Variants in UNC80 observed in about 807,000 individuals in gnomAD.
UNC80 encodes unc-80 subunit of NALCN channel complex, also known as protein unc-80 homolog.
In UNC80, 164 loss-of-function variants were observed where a neutral mutation model predicts 384.6. The observed-to-expected ratio is 0.43, with a 90% CI of 0.38 to 0.49. The LOEUF (loss-of-function observed/expected upper bound fraction) is 0.49. Among genes scored for constraint, UNC80 ranks in the 20% least tolerant of loss-of-function variants. The pLI, the probability that UNC80 is intolerant of heterozygous loss-of-function variation, is 0.00. For synonymous variants in UNC80, 1,486 were observed against 1,527.8 expected (o/e 0.97, Z 0.64); for missense variants, 3,330 against 4,143.0 (o/e 0.80, Z 5.39).
At chr2:209,869,263 A>T (rs1020578566) in intron 22 of UNC80, 3 of 152,166 alleles carry the variant, frequency 2.0e-5, no homozygotes, top group African/African-American at 7.2e-5. Context: ...GGGAAAATTG[A>T]CTTTCCTTTA....
chr2:209,868,482 A>G (rs2084018839), intron 22 of UNC80, among the ~76,000 whole-genome samples: 2 of 152,228 alleles, frequency 1.3e-5, no homozygotes, highest in African/African-American at 4.8e-5. Context: ...TAACCATCAT[A>G]TCTTGGCAAC....
chr2:209,868,514 C>G (rs2084022199), intron 22 of UNC80, among the ~76,000 whole-genome samples: 1 of 152,148 alleles, frequency 6.6e-6, no homozygotes, highest in Non-Finnish European at 1.5e-5. Context: ...GGTCCCCAGG[C>G]AAAATAAAGC....
At chr2:209,953,643 A>T (rs2092290932) in intron 47 of UNC80, among the ~76,000 whole-genome samples, 1 of 152,030 alleles carries the variant, frequency 6.6e-6, no homozygotes, top group Admixed American at 6.5e-5. Flanking sequence ...GCTGTTTCCA[A>T]CATTTGTTGC....
chr2:209,849,390 A>C, intron 21 of UNC80, 61 bp from the exon 22 acceptor site: 2 of 1,528,504 alleles, frequency 1.3e-6, no homozygotes, highest in African/African-American at 1.4e-5. Context: ...AACTCTTTTT[A>C]AACCTGTGAT....
At chr2:209,775,215 G>A (rs1016146212) in intron 2 of UNC80, among the ~76,000 whole-genome samples, 2 of 152,138 alleles carry the variant, frequency 1.3e-5, no homozygotes, top group Non-Finnish European at 2.9e-5. Context: ...GATACTCTCT[G>A]AGTATCCCTG....
At chr2:209,913,497 T>G (rs376576974) in intron 30 of UNC80, among the ~76,000 whole-genome samples, 1 of 152,224 alleles carries the variant, frequency 6.6e-6, no homozygotes, top group African/African-American at 2.4e-5. Flanking sequence ...CACAAAGATG[T>G]ATTTCCTGGA....
intron 36 of UNC80, among the ~76,000 whole-genome samples, chr2:209,927,923 C>T (rs1370748257): frequency 1.3e-5 from 2 of 152,086 alleles, no homozygotes; most frequent in Non-Finnish European, 2.9e-5. Flanking sequence ...CATATGATAA[C>T]ATTCTGTGAA....
chr2:209,867,320 G>T (rs558131679), intron 22 of UNC80, among the ~76,000 whole-genome samples: 29 of 152,252 alleles, frequency 1.9e-4, no homozygotes, highest in African/African-American at 7.0e-4. Context: ...AGAAGTGCTG[G>T]TTTGAAGTAT....
chr2:209,918,432 A>C (rs534461591), intron 32 of UNC80, 100 bp from the exon 33 acceptor site: 90 of 1,332,006 alleles, frequency 6.8e-5, no homozygotes, highest in Admixed American at 3.6e-4. Flanking sequence ...AGTCACTTGG[A>C]TGATTAACAC....
rs78703545 is a variant in UNC80, at chr2:209,849,306, G to A, written c.3455-145G>A. On this transcript the variant is annotated intron_variant, in intron 21 of 64. Transcript: ENST00000673920. ...ATGTGTTTAAATCAAACATTAGGGT[G>A]GAGAGCAAGGAAGTGGAGTGAAGGA... 469 of 766,572 alleles carry A rather than the reference G, an allele frequency of 6.1e-4. 1 individual carries two copies. In the African/African-American group the frequency reaches 7.5e-3, roughly 12 times the overall value. The allele number at this position is 766,572 out of a possible 1,614,324, so 47.5% of individuals were successfully genotyped here. A position where few individuals can be genotyped will look rare whatever the true frequency, so the allele number is the denominator to read the frequency against.
intron 22 of UNC80, among the ~76,000 whole-genome samples, chr2:209,851,637 A>T (rs568564498): frequency 1.3e-5 from 2 of 151,986 alleles, no homozygotes; most frequent in Admixed American, 6.6e-5. Context: ...TCCAATGAAG[A>T]TTGTGTTTGT....
At chr2:209,786,903 C>T (rs1048327093) in intron 5 of UNC80, among the ~76,000 whole-genome samples, 4 of 150,016 alleles carry the variant, frequency 2.7e-5, no homozygotes, top group Non-Finnish European at 5.9e-5. Flanking sequence ...AAATTCTAGT[C>T]TTCTATTCCC....
intron 52 of UNC80, chr2:209,969,381 C>T (rs371603807): frequency 5.8e-5 from 10 of 172,726 alleles, no homozygotes; most frequent in South Asian, 5.8e-4. Context: ...AACTGATGGG[C>T]GTGTGTAATC....
At chr2:209,812,315 C>T (rs2079423923) in intron 7 of UNC80, among the ~76,000 whole-genome samples, 1 of 152,018 alleles carries the variant, frequency 6.6e-6, no homozygotes, top group Non-Finnish European at 1.5e-5. Context: ...CCGCCTCGGC[C>T]TCCCAAAGTG....
intron 40 of UNC80, among the ~76,000 whole-genome samples, chr2:209,936,465 A>AGTAG (rs1340302246): frequency 6.6e-6 from 1 of 152,220 alleles, no homozygotes; most frequent in Non-Finnish European, 1.5e-5. Context: ...TGCTGAGACC[A>AGTAG]GTAGGTGCCA....
At chr2:209,942,963 A>G (rs1396604210) in intron 44 of UNC80, among the ~76,000 whole-genome samples, 1 of 152,112 alleles carries the variant, frequency 6.6e-6, no homozygotes, top group African/African-American at 2.4e-5. Context: ...TTATATAGCT[A>G]TATTTAGCCT....
At chr2:209,826,088 C>A in intron 14 of UNC80, 35 bp downstream of exon 14, 1 of 1,526,042 alleles carries the variant, frequency 6.6e-7, no homozygotes, top group Non-Finnish European at 8.8e-7. Context: ...TTTCCTCTCC[C>A]TCTTCCTTCC....
intron 27 of UNC80, 74 bp from the exon 28 acceptor site, chr2:209,896,239 A>G: frequency 3.8e-6 from 5 of 1,328,740 alleles, no homozygotes; most frequent in Non-Finnish European, 4.2e-6. Flanking sequence ...AGAAGCATGG[A>G]CAACTGTACC....
At chr2:209,807,290 A>G (rs912080339) in intron 7 of UNC80, among the ~76,000 whole-genome samples, 1 of 152,094 alleles carries the variant, frequency 6.6e-6, no homozygotes, top group Admixed American at 6.5e-5. Context: ...CCAGGAAATA[A>G]CTTTTAGATT....
Sources: allele counts gnomAD v4.1 joint callset (sites outside exome capture counted in the v4.1 genomes callset), GRCh38; gene constraint gnomAD v4.1.1; transcripts MANE v1.5; gene names NCBI Gene and HGNC (gene_info 2026-07-23, HGNC 2026-07-21).